GRM7: variants seen among roughly 807,000 people sequenced by gnomAD.
GRM7 encodes the protein glutamate metabotropic receptor 7, also known as metabotropic glutamate receptor 7.
In GRM7, 35 loss-of-function variants were observed where a neutral mutation model predicts 84.5. The observed-to-expected ratio is 0.41, with a 90% CI of 0.32 to 0.55. GRM7 has a LOEUF of 0.55. Ranked by LOEUF, GRM7 falls within the 20% of genes least tolerant of loss-of-function variation. The pLI is 0.19. For synonymous variants in GRM7, 487 were observed against 455.1 expected, an observed-to-expected ratio of 1.07 and a Z score of -0.89; for missense variants, 1,003 against 1,194.6, an observed-to-expected ratio of 0.84 and a Z score of 2.36.
intron 7 of GRM7, among the ~76,000 whole-genome samples, chr3:7,523,092 T>A (rs1436584436): frequency 6.6e-6 from 1 of 152,150 alleles, no homozygotes; most frequent in Non-Finnish European, 1.5e-5. Context: ...TCAAGCAATT[T>A]CTATTGTATT....
intron 8 of GRM7, among the ~76,000 whole-genome samples, chr3:7,667,823 T>G (rs1046492691): frequency 9.7e-5 from 14 of 144,738 alleles, no homozygotes; most frequent in Non-Finnish European, 2.1e-4. Context: ...AAAACACATA[T>G]AGGGTCTCAG....
intron 4 of GRM7, among the ~76,000 whole-genome samples, chr3:7,312,928 CTTTTTTTCTTTTTTTTTTTT>C (rs1700453533): frequency 8.1e-6 from 1 of 124,110 alleles, no homozygotes; most frequent in African/African-American, 3.5e-5. Flanking sequence ...CCTTTTTTTT[CTTTTTTTCTTTTTTTTTTTT>C]TTTTTTATCT....
chr3:6,943,483 A>C (rs1305309254), intron 1 of GRM7, among the ~76,000 whole-genome samples: 1 of 152,060 alleles, frequency 6.6e-6, no homozygotes, highest in Admixed American at 6.6e-5. Context: ...CTGATGCCAA[A>C]AAAATAAAAT....
rs926313077 is a variant in GRM7 at position 7,221,023 on chromosome 3, G to A, written c.736+74355G>A. Among the ~76,000 whole-genome samples, 4 of 150,244 alleles carry A rather than the reference G, an allele frequency of 2.7e-5. 1 individual carries two copies. Among genetic ancestry groups the A allele is most frequent in the African/African-American group, 4.9e-5 (2 of 40,736 alleles). On this transcript the variant is annotated intron_variant, in intron 2 of 9. Transcript: ENST00000357716. ...GTGGGAGAAGGATGGCTGGAGCCCA[G>A]GACACGGAGGTTGCAATGAGCCGAG...
chr3:6,873,579 G>T (rs1411504917), intron 1 of GRM7, among the ~76,000 whole-genome samples: 1 of 152,154 alleles, frequency 6.6e-6, no homozygotes, highest in Non-Finnish European at 1.5e-5. Context: ...GTTAAATGAG[G>T]TTCTTCATGG....
Position 6,862,383 on chromosome 3 carries a change from C to G in GRM7, c.519+476C>G, listed in dbSNP as rs1694784627. Among the ~76,000 whole-genome samples, 2 of 151,982 alleles carry G rather than the reference C, an allele frequency of 1.3e-5. No individual in the cohort carries two copies. Among genetic ancestry groups the G allele is most frequent in the African/African-American group, 4.8e-5 (2 of 41,374 alleles). On this transcript the variant is annotated intron_variant, in intron 1 of 9. Transcript: ENST00000357716. The surrounding 1 kb of genome is among the most constrained non-coding windows in gnomAD (Gnocchi z 5.2). ...TGCACTCCCTTGAAAAATTTGGAGA[C>G]AGCCTTAAGGAGGCACTTCTTAAAT...
At chr3:6,933,908 CT>C (rs1697596200) in intron 1 of GRM7, among the ~76,000 whole-genome samples, 1 of 152,038 alleles carries the variant, frequency 6.6e-6, no homozygotes, top group African/African-American at 2.4e-5. Context: ...GACTTATAAA[CT>C]TTTGTTCAAC....
chr3:7,037,268 G>A (rs1284442074), intron 1 of GRM7, among the ~76,000 whole-genome samples: 1 of 152,148 alleles, frequency 6.6e-6, no homozygotes, highest in Non-Finnish European at 1.5e-5. Flanking sequence ...TATTAGGCCA[G>A]TGCAAAAGTA....
chr3:6,938,170 A>T (rs942450063), intron 1 of GRM7, among the ~76,000 whole-genome samples: 22 of 152,200 alleles, frequency 1.4e-4, no homozygotes, highest in African/African-American at 5.3e-4. Flanking sequence ...ATCAAGTCAA[A>T]TGATTAGATT....
chr3:7,185,898 T>C (rs770019050), intron 2 of GRM7, among the ~76,000 whole-genome samples: 2 of 152,224 alleles, frequency 1.3e-5, no homozygotes, highest in African/African-American at 4.8e-5. Context: ...ATCCATATAC[T>C]TTACCCAGAA....
At chr3:7,214,262 AAAC>A (rs1173081468) in intron 2 of GRM7, among the ~76,000 whole-genome samples, 1 of 152,244 alleles carries the variant, frequency 6.6e-6, no homozygotes, top group Non-Finnish European at 1.5e-5. Flanking sequence ...GAAAGTGAGA[AAAC>A]AACATTTCTA....
In GRM7 at chr3:7,082,557, T is replaced by C. The variant is rs183826864; in HGVS notation, c.520-63895T>C. On this transcript the variant is annotated intron_variant, in intron 1 of 9. Transcript: ENST00000357716. ...ATGGACCAAGGAGTAATTTTGACTT[T>C]CCAGTGTTATTATTTAAGACTTATT... 2.2e-4 allele frequency among the ~76,000 whole-genome samples: 34 copies of C among 152,214 alleles called. No individual in the cohort carries two copies. The East Asian group carries it at 5.4e-3, about 24-fold the overall frequency.
chr3:7,422,819 T>C lies in GRM7; in HGVS notation c.1174+7656T>C, dbSNP rs73115585. Among the ~76,000 whole-genome samples, 863 of 152,216 alleles carry C rather than the reference T, an allele frequency of 5.7e-3. 11 individuals are homozygous for C. Among genetic ancestry groups the C allele is most frequent in the African/African-American group, 0.02 (833 of 41,538 alleles). Reference sequence around the variant, plus strand: ...CCTTCCCAAAAGCAATGAAGAAGAGTTCTGAAACTACCATGGTTAGAAAAT... The same window carrying C: ...CCTTCCCAAAAGCAATGAAGAAGAGCTCTGAAACTACCATGGTTAGAAAAT... On this transcript the variant is annotated intron_variant, in intron 5 of 9. Coordinates refer to ENST00000357716, the MANE Select transcript of GRM7 (RefSeq NM_000844.4).
At chr3:7,036,789 C>G (rs1402119781) in intron 1 of GRM7, among the ~76,000 whole-genome samples, 3 of 2,264 alleles carry the variant, frequency 1.3e-3, no homozygotes, top group Non-Finnish European at 2.7e-3. Flanking sequence ...GTCTTTCTTG[C>G]TTTATATAAC....
rs1233914709 is a variant in GRM7, at chr3:7,732,536, G to A, written c.2699-7821G>A. On this transcript the variant is annotated intron_variant, in intron 9 of 9. Transcript: ENST00000357716. The stretch of plus-strand genomic sequence containing the variant: ...AGCAAAGAACAGGAAACCAGTTAAG[G>A]AAAAAAGGCAAAGAAGGACATTACC... 2.0e-5 allele frequency among the ~76,000 whole-genome samples: 3 copies of A among 152,192 alleles called. 1 individual carries two copies. The highest frequency in any genetic ancestry group is 7.2e-5 in the African/African-American group (3 of 41,530).
intron 8 of GRM7, among the ~76,000 whole-genome samples, chr3:7,634,496 AAAAAAAG>A (rs756568305): frequency 0.19 from 25,382 of 132,202 alleles, 3,284 homozygotes; most frequent in East Asian, 0.51. Flanking sequence ...AAAAAAAAAA[AAAAAAAG>A]GGCTGGGCTC....
In GRM7 at chr3:6,862,727, C is replaced by CCT. The variant is rs1553574509; in HGVS notation, c.519+821_519+822insTC. ...TCTCCCTGCCTCCTCCCTCCTCCCC[C>CCT]CCGCCCCCCTCACCCACTATCTCCC... is the stretch of plus-strand genomic sequence containing the variant. On this transcript the variant is annotated intron_variant, in intron 1 of 9. Transcript: ENST00000357716. This position sits in a 1 kb window ranked among gnomAD's most constrained non-coding sequence, Gnocchi z 5.2. 1.4e-5 allele frequency: 4 copies of CCT among 280,196 alleles called. No individual in the cohort carries two copies. Among genetic ancestry groups the CCT allele is most frequent in the South Asian group, 2.9e-5 (1 of 35,022 alleles). 17.4% of individuals were successfully genotyped at this position (280,196 alleles called of 1,614,324 possible).
intron 9 of GRM7, among the ~76,000 whole-genome samples, chr3:7,723,783 G>T (rs1291754227): frequency 6.6e-6 from 1 of 152,130 alleles, no homozygotes; most frequent in African/African-American, 2.4e-5. Context: ...GGAGTTTGAG[G>T]TTGCAGTGAG....
chr3:6,932,751 C>CTTT (rs35962540), intron 1 of GRM7, among the ~76,000 whole-genome samples: 112 of 93,774 alleles, frequency 1.2e-3, no homozygotes, highest in Non-Finnish European at 1.5e-3. Flanking sequence ...TTCTTTCTCT[C>CTTT]TTTTTTTTTT....
Sources: allele counts gnomAD v4.1 joint callset (sites outside exome capture counted in the v4.1 genomes callset), GRCh38; gene constraint gnomAD v4.1.1; non-coding constraint Gnocchi (gnomAD v3.1); transcripts MANE v1.5; gene names NCBI Gene and HGNC (gene_info 2026-07-23, HGNC 2026-07-21).